The following NDST1 variants were observed in gnomAD, a reference collection of about 807,000 sequenced individuals.
NDST1 encodes bifunctional heparan sulfate N-deacetylase/N-sulfotransferase 1.
Under a neutral mutation model 92.8 loss-of-function variants are expected in NDST1, and 35 were observed. The observed-to-expected ratio is 0.38, with a 90% CI of 0.29 to 0.50. The LOEUF is 0.50. Ranked by LOEUF, NDST1 falls within the 20% of genes least tolerant of loss-of-function variation. The probability of loss-of-function intolerance (pLI) is 0.94; values close to 1 mark genes in which losing one functional copy is unlikely to be tolerated. For missense variants in NDST1, 822 were observed against 1,182.7 expected, an observed-to-expected ratio of 0.69 and a Z score of 4.47; for synonymous variants, 493 against 500.3, an observed-to-expected ratio of 0.99 and a Z score of 0.19.
chr5:150,554,959 G>C lies in NDST1; in HGVS notation c.*1627G>C. On this transcript the variant is annotated 3_prime_UTR_variant, in exon 15 of 15. Coordinates refer to ENST00000261797, the MANE Select transcript of NDST1 (RefSeq NM_001543.5). ...CTCTGAACCCCAGGAAATACTTTCT[G>C]GAGAGGCTTGTCTTGTTCAGAAGAC... is the stretch of plus-strand genomic sequence containing the variant. 1 of 152,754 alleles carries C rather than the reference G, an allele frequency of 6.5e-6. No homozygotes were observed. Among genetic ancestry groups the C allele is most frequent in the East Asian group, 1.9e-4 (1 of 5,188 alleles). The allele number at this position is 152,754 out of a possible 1,614,324, so 9.5% of individuals were successfully genotyped here.
chr5:150,538,671 T>A (rs1327786263), intron 6 of NDST1, among the ~76,000 whole-genome samples: 2 of 152,074 alleles, frequency 1.3e-5, no homozygotes, highest in African/African-American at 4.8e-5. Context: ...TGTCCATCAG[T>A]CCATCCATCC....
intron 8 of NDST1, among the ~76,000 whole-genome samples, chr5:150,540,678 T>C (rs1266598951): frequency 2.0e-5 from 3 of 152,076 alleles, no homozygotes; most frequent in African/African-American, 7.2e-5. Context: ...TAGCCGGGCA[T>C]GATGGTGCGC....
At chr5:150,539,468 G>A (rs751091062) in intron 7 of NDST1, 112 bp downstream of exon 7, 1 of 1,597,786 alleles carries the variant, frequency 6.3e-7, no homozygotes, top group Non-Finnish European at 8.5e-7. Flanking sequence ...ATGAGTGAGT[G>A]CCTGGCAGTT....
intron 7 of NDST1, chr5:150,539,725 C>G: frequency 4.1e-6 from 4 of 984,932 alleles, no homozygotes; most frequent in Non-Finnish European, 4.8e-6. Context: ...AAACAATTAC[C>G]TCTGCTTTAA....
At chr5:150,517,663 G>C (rs78254530) in intron 1 of NDST1, among the ~76,000 whole-genome samples, 4,368 of 152,240 alleles carry the variant, frequency 0.029, 384 homozygotes, top group Admixed American at 0.16. Flanking sequence ...CCAACCTCTG[G>C]CAACCGTGTG....
At chr5:150,514,610 T>C (rs528954262) in intron 1 of NDST1, among the ~76,000 whole-genome samples, 5 of 150,144 alleles carry the variant, frequency 3.3e-5, no homozygotes, top group African/African-American at 1.2e-4. Context: ...AGGCTCATAG[T>C]ATGGCAGTAT....
chr5:150,549,809 C>T (rs1396735291), intron 13 of NDST1, 22 bp downstream of exon 13: 1 of 1,495,332 alleles, frequency 6.7e-7, no homozygotes, highest in Admixed American at 1.7e-5. Context: ...CTTTTCCTTT[C>T]TGCAGGTTAT....
intron 3 of NDST1, among the ~76,000 whole-genome samples, chr5:150,528,887 G>A (rs1754592360): frequency 6.6e-6 from 1 of 152,190 alleles, no homozygotes; most frequent in Admixed American, 6.5e-5. Context: ...TGTATAATAT[G>A]TATGGAAGAA....
chr5:150,515,676 G>C (rs1375216654), intron 1 of NDST1, among the ~76,000 whole-genome samples: 2 of 152,164 alleles, frequency 1.3e-5, no homozygotes, highest in African/African-American at 4.8e-5. Flanking sequence ...CTGGAATTTA[G>C]GGGAAACTGC....
At chr5:150,533,764 T>G (rs113293881) in intron 4 of NDST1, among the ~76,000 whole-genome samples, 2 of 152,198 alleles carry the variant, frequency 1.3e-5, no homozygotes, top group Non-Finnish European at 2.9e-5. Flanking sequence ...TCTGTCTGTA[T>G]TTTTTATATT....
intron 1 of NDST1, among the ~76,000 whole-genome samples, chr5:150,512,087 T>A (rs1468945559): frequency 6.6e-6 from 1 of 152,154 alleles, no homozygotes; most frequent in East Asian, 1.9e-4. Context: ...CTCAGGTCCC[T>A]GCCCAAGTCC....
chr5:150,532,848 A>G, intron 3 of NDST1, 97 bp from the exon 4 acceptor site: 1 of 1,118,734 alleles, frequency 8.9e-7, no homozygotes, highest in South Asian at 1.2e-5. Flanking sequence ...ATAATTTTTG[A>G]ACAAGGGATT....
rs748488030 is a variant in NDST1, at chr5:150,541,627, C to T, written c.1807C>T (p.Arg603Cys). The stretch of plus-strand genomic sequence containing the variant: ...CTGGTCCAAGGAGAAGACGTGTGAC[C>T]GCTTCCCAAAGCTCCTCATCATCGG... Reference protein sequence around the residue: ...DIWSKEKTCDRFPKLLIIGPQ... With the variant: ...DIWSKEKTCDCFPKLLIIGPQ... The change falls in exon 9 of 15, where the codon CGC becomes TGC. Residue 603 changes from arginine to cysteine, a missense_variant. Coordinates refer to ENST00000261797, the MANE Select transcript of NDST1 (RefSeq NM_001543.5). 75 of 1,614,028 alleles carry T rather than the reference C, an allele frequency of 4.6e-5. No individual in the cohort carries two copies. The Admixed American group carries it at 1.1e-3, about 24-fold the overall frequency.
At chr5:150,550,977 T>G (rs1451874714) in intron 13 of NDST1, 1 of 152,992 alleles carries the variant, frequency 6.5e-6, no homozygotes, top group Non-Finnish European at 1.5e-5. Context: ...CTTGTCATCA[T>G]CATCATCACC....
At chr5:150,538,486 G>T (rs2151292046) in intron 6 of NDST1, among the ~76,000 whole-genome samples, 1 of 152,370 alleles carries the variant, frequency 6.6e-6, no homozygotes, top group African/African-American at 2.4e-5. Flanking sequence ...ATGTTGGGAT[G>T]TGGCCATACT....
rs960626098 is a variant in NDST1 at position 150,521,332 on chromosome 5, C to T, written c.78C>T (p.Phe26=). The T allele has an allele frequency of 3.1e-6, 5 of 1,613,416 alleles. No homozygotes were observed. The African/African-American group carries it at 5.3e-5, about 17-fold the overall frequency. The change falls in exon 2 of 15, where the codon TTC becomes TTT. Residue 26 remains phenylalanine (F), a synonymous_variant. Coordinates refer to ENST00000261797, the MANE Select transcript of NDST1 (RefSeq NM_001543.5). This position sits in a 1 kb window ranked among gnomAD's most constrained non-coding sequence, Gnocchi z 5.9. ...PQAVLFLLFI[F]CLFSVFISAY... ...CTGTCCTTTTCCTGCTGTTCATCTT[C>T]TGCCTGTTCAGCGTTTTCATCTCGG...
At position 150,539,269 on chromosome 5, in the gene NDST1, C is replaced by A; in HGVS notation, c.1479C>A (p.Ile493=). 1.2e-6 allele frequency: 2 copies of A among 1,614,200 alleles called. No individual in the cohort carries two copies. Among genetic ancestry groups the A allele is most frequent in the Non-Finnish European group, 1.7e-6 (2 of 1,180,034 alleles). ...RQTCGLFTHT[I]FYNEYPGGSS... is the part of the protein sequence containing the mutation. The stretch of plus-strand genomic sequence containing the variant: ...CCTGCGGCCTCTTCACACACACCAT[C>A]TTCTACAACGAGTACCCTGGCGGCT... Residue 493 remains isoleucine, a synonymous_variant, in exon 7 of 15, where the codon ATC becomes ATA. Coordinates refer to ENST00000261797, the MANE Select transcript of NDST1 (RefSeq NM_001543.5).
Position 150,521,607 on chromosome 5 carries a change from G to A in NDST1, c.353G>A (p.Gly118Asp). The A allele has an allele frequency of 6.2e-7, 1 of 1,614,048 alleles. No individual in the cohort carries two copies. Among genetic ancestry groups the A allele is most frequent in the Non-Finnish European group, 8.5e-7 (1 of 1,180,036 alleles). ...RFKYRTEIAPGKGDMPTLTDK... is the reference protein window; with the variant it reads ...RFKYRTEIAPDKGDMPTLTDK... ...AAATACCGCACAGAGATTGCGCCGG[G>A]CAAGGGTGACATGCCCACGCTCACT... The change falls in exon 2 of 15, where the codon GGC (glycine) becomes GAC (aspartate). Residue 118 changes from glycine (G) to aspartate (D), a missense_variant. Transcript: ENST00000261797. The surrounding 1 kb of genome is among the most constrained non-coding windows in gnomAD (Gnocchi z 5.9).
chr5:150,502,449 G>A (rs954276555), intron 1 of NDST1, among the ~76,000 whole-genome samples: 2 of 152,118 alleles, frequency 1.3e-5, no homozygotes, highest in Non-Finnish European at 2.9e-5. Flanking sequence ...GAAGGCTGTG[G>A]GACAAGCAGG....
Sources: allele counts gnomAD v4.1 joint callset (sites outside exome capture counted in the v4.1 genomes callset), GRCh38; gene constraint gnomAD v4.1.1; non-coding constraint Gnocchi (gnomAD v3.1); transcripts MANE v1.5; gene names NCBI Gene and HGNC (gene_info 2026-07-23, HGNC 2026-07-21).